The following GNG2 variants were observed in gnomAD, a reference collection of about 807,000 sequenced individuals.
The protein encoded by GNG2 is guanine nucleotide-binding protein G(I)/G(S)/G(O) subunit gamma-2.
In GNG2, 5 loss-of-function variants were observed where a neutral mutation model predicts 5.5. The observed-to-expected ratio is 0.91, with a 90% CI of 0.48 to 1.92. The LOEUF is 1.92. GNG2 is among the 30% of genes most tolerant of loss of function. GNG2 has a pLI of 0.01. For synonymous variants in GNG2, 28 were observed against 32.0 expected (o/e 0.88, Z 0.42); for missense variants, 55 against 88.4 (o/e 0.62, Z 1.52).
chr14:51,914,377 C>T (rs1304904870), intron 2 of GNG2: 5 of 665,536 alleles, frequency 7.5e-6, no homozygotes, highest in Non-Finnish European at 1.4e-5. Context: ...TGCTCTAATC[C>T]TTTCTCCCTG....
chr14:51,900,698 G>C (rs1885488687), intron 2 of GNG2, among the ~76,000 whole-genome samples: 1 of 151,764 alleles, frequency 6.6e-6, no homozygotes, highest in African/African-American at 2.4e-5. Flanking sequence ...CTCTGCAAGA[G>C]GGTAGAAATG....
intron 2 of GNG2, among the ~76,000 whole-genome samples, chr14:51,932,784 G>C (rs940375538): frequency 2.0e-5 from 3 of 152,008 alleles, no homozygotes; most frequent in Non-Finnish European, 4.4e-5. Flanking sequence ...TAAAGTATCG[G>C]GTCCTAATCC....
intron 2 of GNG2, among the ~76,000 whole-genome samples, chr14:51,903,142 A>G (rs1009063792): frequency 6.6e-6 from 1 of 152,230 alleles, no homozygotes; most frequent in Non-Finnish European, 1.5e-5. Context: ...AACTACAAGC[A>G]ATTTACATAC....
intron 2 of GNG2, among the ~76,000 whole-genome samples, chr14:51,833,313 C>A (rs1295881230): frequency 1.3e-5 from 2 of 152,170 alleles, no homozygotes; most frequent in Non-Finnish European, 2.9e-5. Flanking sequence ...AAATCTTCAT[C>A]TTTAATGGGC....
intron 2 of GNG2, among the ~76,000 whole-genome samples, chr14:51,898,608 G>A (rs1885353799): frequency 6.6e-6 from 1 of 152,200 alleles, no homozygotes; most frequent in Admixed American, 6.5e-5. Context: ...AAGGACCAGG[G>A]AAGGCTCTTT....
intron 3 of GNG2, among the ~76,000 whole-genome samples, chr14:51,954,342 G>A (rs1889154278): frequency 1.3e-5 from 2 of 152,164 alleles, no homozygotes; most frequent in Non-Finnish European, 2.9e-5. Flanking sequence ...AAGGGGGAGA[G>A]AGGGGCTGTG....
intron 2 of GNG2, among the ~76,000 whole-genome samples, chr14:51,932,222 G>A (rs1422925890): frequency 5.8e-5 from 7 of 120,598 alleles, no homozygotes; most frequent in Admixed American, 2.9e-4. Flanking sequence ...ACTCCAGCCT[G>A]GGCAACAGAG....
chr14:51,957,868 A>C (rs2140297268), intron 3 of GNG2, among the ~76,000 whole-genome samples: 1 of 152,274 alleles, frequency 6.6e-6, no homozygotes. Context: ...ATTATAATTA[A>C]ATTCAGGTAA....
chr14:51,949,935 C>T (rs201382688), intron 2 of GNG2, among the ~76,000 whole-genome samples: 1 of 152,158 alleles, frequency 6.6e-6, no homozygotes, highest in South Asian at 2.1e-4. Flanking sequence ...ATCTCGCAAT[C>T]TGCCTAGGAA....
intron 1 of GNG2, among the ~76,000 whole-genome samples, chr14:51,862,326 C>G (rs773327287): frequency 6.6e-6 from 1 of 152,148 alleles, no homozygotes; most frequent in African/African-American, 2.4e-5. Flanking sequence ...TTTAATCAAA[C>G]TTGTGGGCAA....
intron 2 of GNG2, among the ~76,000 whole-genome samples, chr14:51,832,756 C>T (rs1383910601): frequency 2.6e-5 from 4 of 152,212 alleles, no homozygotes; most frequent in South Asian, 4.1e-4. Flanking sequence ...TTATAAGGGC[C>T]TCACCCTCAT....
chr14:51,930,240 A>G (rs1285658297), intron 2 of GNG2, among the ~76,000 whole-genome samples: 1 of 152,238 alleles, frequency 6.6e-6, no homozygotes, highest in Non-Finnish European at 1.5e-5. Flanking sequence ...GCTTTATTCC[A>G]GTGACAAAAA....
chr14:51,861,771 C>T (rs1176356062), intron 1 of GNG2, among the ~76,000 whole-genome samples: 1 of 152,186 alleles, frequency 6.6e-6, no homozygotes. Context: ...ATTCCTCTGA[C>T]AGGATATATT....
At chr14:51,896,873 A>G (rs1442609892) in intron 2 of GNG2, among the ~76,000 whole-genome samples, 1 of 152,344 alleles carries the variant, frequency 6.6e-6, no homozygotes, top group East Asian at 1.9e-4. Flanking sequence ...ATTATAATAC[A>G]TGAACTAAAA....
chr14:51,914,269 ACCAAG>A (rs1247769898), intron 2 of GNG2: 1 of 702,176 alleles, frequency 1.4e-6, no homozygotes, highest in Non-Finnish European at 2.6e-6. Flanking sequence ...GACAAGCCAG[ACCAAG>A]GTAGAATGGA....
At chr14:51,838,867 A>G (rs998735113) in intron 2 of GNG2, among the ~76,000 whole-genome samples, 5 of 152,154 alleles carry the variant, frequency 3.3e-5, no homozygotes, top group Admixed American at 3.3e-4. Flanking sequence ...TTGTGCTACC[A>G]CTGCACTGCA....
intron 2 of GNG2, among the ~76,000 whole-genome samples, chr14:51,887,966 C>A (rs1884580537): frequency 6.6e-6 from 1 of 152,084 alleles, no homozygotes. Flanking sequence ...TATGCCTATG[C>A]TCCTTTAAAA....
At chr14:51,901,130 A>G (rs1885521635) in intron 2 of GNG2, among the ~76,000 whole-genome samples, 1 of 152,190 alleles carries the variant, frequency 6.6e-6, no homozygotes, top group Non-Finnish European at 1.5e-5. Flanking sequence ...TTAGAGCTAT[A>G]TTGGGTGTTA....
intron 1 of GNG2, among the ~76,000 whole-genome samples, chr14:51,867,183 G>C (rs1163079772): frequency 6.6e-6 from 1 of 152,074 alleles, no homozygotes. Context: ...CTCAAGATAC[G>C]AGTCTTTGGC....
Sources: allele counts gnomAD v4.1 joint callset (sites outside exome capture counted in the v4.1 genomes callset), GRCh38; gene constraint gnomAD v4.1.1; transcripts MANE v1.5; gene names NCBI Gene and HGNC (gene_info 2026-07-23, HGNC 2026-07-21).